AKR7A2: variants seen among roughly 807,000 people sequenced by gnomAD.
AKR7A2 encodes the protein aldo-keto reductase family 7 member A2, also known as aflatoxin B1 aldehyde reductase member 2.
A neutral mutation model predicts 37.3 loss-of-function variants in AKR7A2; 29 were observed. The observed-to-expected ratio is 0.78, with a 90% CI of 0.58 to 1.06. The LOEUF (loss-of-function observed/expected upper bound fraction) is 1.06, where lower values mean the gene tolerates loss of function less well. Ranked by LOEUF, AKR7A2 falls within the 50% of genes least tolerant of loss-of-function variation. AKR7A2 has a pLI of 0.00. For synonymous variants in AKR7A2, 228 were observed against 217.8 expected, an observed-to-expected ratio of 1.05 and a Z score of -0.41; for missense variants, 529 against 497.9, an observed-to-expected ratio of 1.06 and a Z score of -0.59.
At chr1:19,302,934 C>A (rs542060822), downstream of AKR7A2, among the ~76,000 whole-genome samples, 3 of 152,286 alleles carry the variant, frequency 2.0e-5, no homozygotes, top group South Asian at 2.1e-4. Context: ...CTCAAGTGAT[C>A]TGCCTGCTTT....
At chr1:19,309,129 T>C (rs968858603) in intron 1 of AKR7A2, among the ~76,000 whole-genome samples, 9 of 152,156 alleles carry the variant, frequency 5.9e-5, no homozygotes, top group Admixed American at 5.2e-4. Flanking sequence ...TGGGAACCCA[T>C]GCAAAGTCAA....
intron 3 of AKR7A2, chr1:19,307,854 C>T: frequency 5.6e-6 from 3 of 534,512 alleles, no homozygotes; most frequent in Non-Finnish European, 1.0e-5. Flanking sequence ...GAGGAGACCT[C>T]TATGTAAGGC....
chr1:19,304,531 G>GA (rs2093757802), intron 6 of AKR7A2, 145 bp from the exon 7 acceptor site: 2 of 1,419,622 alleles, frequency 1.4e-6, no homozygotes, highest in African/African-American at 2.8e-5. Flanking sequence ...AGGTGCCTTG[G>GA]ATAGCTGTAC....
intron 1 of AKR7A2, 113 bp downstream of exon 1, chr1:19,311,714 C>A: frequency 1.5e-6 from 2 of 1,368,210 alleles, no homozygotes; most frequent in South Asian, 2.5e-5. Context: ...GGGTGGGGAG[C>A]GAGGGACGAA....
chr1:19,308,978 C>T (rs758607943), intron 1 of AKR7A2, among the ~76,000 whole-genome samples: 1 of 152,102 alleles, frequency 6.6e-6, no homozygotes, highest in Non-Finnish European at 1.5e-5. Context: ...ATGGTAAGCA[C>T]AGGAGGGAAA....
At chr1:19,307,885 G>A (rs2093764611) in intron 3 of AKR7A2, 2 of 565,808 alleles carry the variant, frequency 3.5e-6, no homozygotes, top group African/African-American at 1.9e-5. Flanking sequence ...CTCCCAGGGA[G>A]GAGGGCAGGG....
In AKR7A2 at chr1:19,306,033, G is replaced by A. The variant is rs140017552; in HGVS notation, c.903C>T (p.His301=). ...VTSAALRWMY[H]HSQLQGAHGD... Reference sequence around the variant, plus strand: ...CGCTGGTTACCTGCAGCTGTGAGTGGTGGTACATCCACCGGAGGGCAGCCG... The same window carrying A: ...CGCTGGTTACCTGCAGCTGTGAGTGATGGTACATCCACCGGAGGGCAGCCG... The change falls in exon 6 of 7, where the codon CAC becomes CAT. Residue 301 remains histidine, a synonymous_variant. Transcript: ENST00000235835. 447 of 1,613,940 alleles carry A rather than the reference G, an allele frequency of 2.8e-4. 1 individual carries two copies. Among genetic ancestry groups the A allele is most frequent in the Non-Finnish European group, 3.6e-4 (429 of 1,179,940 alleles).
In AKR7A2 at chr1:19,308,398, G is replaced by A. The variant is rs2093765922; in HGVS notation, c.486+57C>T. On this transcript the variant is annotated intron_variant, in intron 2 of 6. Coordinates refer to ENST00000235835, the MANE Select transcript of AKR7A2 (RefSeq NM_003689.4). ...CTGGTGCCTCTGCTCTCATGAGTAG[G>A]ATCAGGATAAAGAAAGGAGCAGGAG... The A allele has an allele frequency of 1.9e-6, 3 of 1,601,450 alleles. No individual in the cohort carries two copies. In the Admixed American group the frequency reaches 5.2e-5, roughly 28 times the overall value.
At chr1:19,304,706 T>C (rs1029322762) in intron 6 of AKR7A2, among the ~76,000 whole-genome samples, 2 of 151,968 alleles carry the variant, frequency 1.3e-5, no homozygotes, top group Non-Finnish European at 2.9e-5. Context: ...GAGGTCAAGG[T>C]GGGAAGAACA....
At chr1:19,305,140 T>C (rs1192533737) in intron 6 of AKR7A2, 1 of 155,568 alleles carries the variant, frequency 6.4e-6, no homozygotes, top group East Asian at 1.9e-4. Flanking sequence ...TAATCTTCTC[T>C]GTATCATTCC....
chr1:19,310,808 C>T (rs528429237), intron 1 of AKR7A2, among the ~76,000 whole-genome samples: 1 of 152,270 alleles, frequency 6.6e-6, no homozygotes, highest in South Asian at 2.1e-4. Context: ...GAGAACCTCT[C>T]CTCAGGGGTG....
At chr1:19,310,344 G>A (rs1037140362) in intron 1 of AKR7A2, among the ~76,000 whole-genome samples, 19 of 152,004 alleles carry the variant, frequency 1.2e-4, no homozygotes, top group South Asian at 1.0e-3. Flanking sequence ...CCCCAAAGAC[G>A]GAAGCGGGGA....
intron 1 of AKR7A2, among the ~76,000 whole-genome samples, chr1:19,309,172 C>T (rs924689810): frequency 6.6e-6 from 1 of 152,220 alleles, no homozygotes; most frequent in Non-Finnish European, 1.5e-5. Flanking sequence ...AGGCTCCAAA[C>T]CTTCAAGTCT....
chr1:19,304,431 C>T (rs947617241), intron 6 of AKR7A2, 45 bp from the exon 7 acceptor site: 16 of 1,613,682 alleles, frequency 9.9e-6, no homozygotes, highest in African/African-American at 2.7e-5. Flanking sequence ...TGCTGCACAG[C>T]GACTCCACTC....
At position 19,307,393 on chromosome 1, in the gene AKR7A2, G is replaced by A; in HGVS notation, c.609C>T (p.Thr203=). The part of the protein sequence containing the change: ...PTVYQGMYNA[T]TRQVETELFP... ...AGAGCTCCGTTTCCACCTGCCGGGT[G>A]GTGGCGTTGTACATGCCCTGCAGGG... Residue 203 remains threonine (T), a synonymous_variant, in exon 4 of 7, where the codon ACC becomes ACT. Coordinates refer to ENST00000235835, the MANE Select transcript of AKR7A2 (RefSeq NM_003689.4). 2 of 1,614,142 alleles carry A rather than the reference G, an allele frequency of 1.2e-6. No individual in the cohort carries two copies. Among genetic ancestry groups the A allele is most frequent in the Non-Finnish European group, 1.7e-6 (2 of 1,179,982 alleles).
chr1:19,303,555 G>A (rs537477372), downstream of AKR7A2, among the ~76,000 whole-genome samples: 3 of 152,334 alleles, frequency 2.0e-5, no homozygotes, highest in Admixed American at 6.5e-5. Flanking sequence ...AACCTAATGG[G>A]TGAAAAGACA....
At position 19,312,049 on chromosome 1, in the gene AKR7A2, G is replaced by A. The variant is rs886894502; in HGVS notation, c.76C>T (p.Arg26Cys). Residue 26 changes from arginine (R) to cysteine (C), a missense_variant, in exon 1 of 7, where the codon CGC becomes TGC. Arg to Cys is a radical substitution (Grantham distance 180). Transcript: ENST00000235835. ...GGTGGCCGGGACATGGCGAGCGCGC[G>A]GGCCTCGGGCGGCGGAGAGCGAAGC... ...CALRSPPPEARALAMSRPPPP... is the reference protein window; with the variant it reads ...CALRSPPPEACALAMSRPPPP... The A allele has an allele frequency of 5.1e-6, 7 of 1,372,888 alleles. No homozygotes were observed. The highest frequency in any genetic ancestry group is 6.5e-6 in the Non-Finnish European group (7 of 1,070,858). The allele number at this position is 1,372,888 out of a possible 1,614,324, so 85.0% of individuals were successfully genotyped here.
chr1:19,306,260 G>T, intron 5 of AKR7A2, 113 bp from the exon 6 acceptor site: 1 of 1,481,598 alleles, frequency 6.7e-7, no homozygotes, highest in South Asian at 1.2e-5. Context: ...CAGCCCTGAG[G>T]GGCGGGTGTC....
chr1:19,308,584 G>A lies in AKR7A2; in HGVS notation c.357C>T (p.Val119=), dbSNP rs1272631146. 3 of 1,614,212 alleles carry A rather than the reference G, an allele frequency of 1.9e-6. No individual in the cohort carries two copies. Among genetic ancestry groups the A allele is most frequent in the South Asian group, 2.2e-5 (2 of 91,086 alleles). The change falls in exon 2 of 7, where the codon GTC becomes GTT. Residue 119 remains valine, a synonymous_variant. Coordinates refer to ENST00000235835, the MANE Select transcript of AKR7A2 (RefSeq NM_003689.4). ...TCAATGACGTCTCCAGCTGGGACCG[G>A]ACACTGTCAGGCTTTAGTGATTTTC... ...WDGKSLKPDS[V]RSQLETSLKR...
Sources: allele counts gnomAD v4.1 joint callset (sites outside exome capture counted in the v4.1 genomes callset), GRCh38; gene constraint gnomAD v4.1.1; transcripts MANE v1.5; gene names NCBI Gene and HGNC (gene_info 2026-07-23, HGNC 2026-07-21).